The following SORCS1 variants were observed in gnomAD, a reference collection of about 807,000 sequenced individuals.
SORCS1 encodes the protein VPS10 domain-containing receptor SorCS1.
A neutral mutation model predicts 146.1 loss-of-function variants in SORCS1; 60 were observed. The ratio of observed to expected loss-of-function variants is 0.41; its 90% CI spans 0.33 to 0.51. The LOEUF (loss-of-function observed/expected upper bound fraction) is 0.51. SORCS1 is among the 20% of genes least tolerant of loss of function. SORCS1 has a pLI of 0.21. For missense variants in SORCS1, 1,352 were observed against 1,487.6 expected (o/e 0.91, Z 1.50); for synonymous variants, 637 against 584.0 (o/e 1.09, Z -1.31).
chr10:106,597,375 C>T lies in SORCS1; in HGVS notation c.3241G>A (p.Val1081Ile). 2 of 1,613,986 alleles carry T rather than the reference C, an allele frequency of 1.2e-6. No homozygotes were observed. Among genetic ancestry groups the T allele is most frequent in the African/African-American group, 1.3e-5 (1 of 75,030 alleles). ...FELKPGVRVLVHAAHLTAAPL... is the reference protein window; with the variant it reads ...FELKPGVRVLIHAAHLTAAPL... The stretch of plus-strand genomic sequence containing the variant: ...CCCGCTGTTAAGTGAGCAGCATGGA[C>T]AAGGACTCGGACTCCTGGCTTCAGC... The change falls in exon 24 of 26, where the codon GTC becomes ATC. Residue 1081 changes from valine (V) to isoleucine (I), a missense_variant. Around this residue, in one of 3 missense-constraint regions of SORCS1, gnomAD observed 214 missense variants for 204.8 expected, o/e 1.05. Transcript: ENST00000263054.
chr10:107,142,041 C>T (rs564770790), intron 1 of SORCS1, among the ~76,000 whole-genome samples: 4 of 152,286 alleles, frequency 2.6e-5, no homozygotes, highest in Admixed American at 2.6e-4. Context: ...GAGATTGGGG[C>T]ACCTTGAATT....
At chr10:107,147,856 G>A (rs1968461675) in intron 1 of SORCS1, among the ~76,000 whole-genome samples, 1 of 152,074 alleles carries the variant, frequency 6.6e-6, no homozygotes, top group African/African-American at 2.4e-5. Context: ...TTAGTGCTTG[G>A]AGGGAGACAT....
At chr10:106,651,865 G>A (rs1849888882) in intron 18 of SORCS1, among the ~76,000 whole-genome samples, 1 of 152,152 alleles carries the variant, frequency 6.6e-6, no homozygotes, top group African/African-American at 2.4e-5. Flanking sequence ...TGCTTTTAAT[G>A]ATATCCCTGA....
At chr10:107,071,388 T>G (rs1962412685) in intron 1 of SORCS1, among the ~76,000 whole-genome samples, 1 of 152,188 alleles carries the variant, frequency 6.6e-6, no homozygotes, top group Non-Finnish European at 1.5e-5. Flanking sequence ...CTTTGAAAAG[T>G]GTCTGTGTAC....
intron 1 of SORCS1, among the ~76,000 whole-genome samples, chr10:106,965,304 G>A (rs1041832670): frequency 7.9e-5 from 12 of 151,904 alleles, no homozygotes; most frequent in Admixed American, 4.6e-4. Flanking sequence ...AAGCCCTGCC[G>A]GCAAAACTCC....
intron 10 of SORCS1, among the ~76,000 whole-genome samples, chr10:106,685,212 G>A (rs961719023): frequency 6.6e-6 from 1 of 152,246 alleles, no homozygotes; most frequent in Admixed American, 6.5e-5. Flanking sequence ...AAATCCAAAC[G>A]CGAAACTGTC....
intron 2 of SORCS1, among the ~76,000 whole-genome samples, chr10:106,881,768 TACCCG>T (rs1233555466): frequency 1.3e-5 from 2 of 152,236 alleles, no homozygotes; most frequent in African/African-American, 4.8e-5. Flanking sequence ...ATAGATTTCT[TACCCG>T]ATATCCTATT....
intron 3 of SORCS1, among the ~76,000 whole-genome samples, chr10:106,802,710 G>A (rs2136665144): frequency 6.6e-6 from 1 of 152,236 alleles, no homozygotes; most frequent in East Asian, 1.9e-4. Flanking sequence ...TGTTGGCCAG[G>A]CTGGTTTCGA....
intron 10 of SORCS1, among the ~76,000 whole-genome samples, chr10:106,684,286 C>T (rs766671528): frequency 1.3e-5 from 2 of 152,102 alleles, no homozygotes; most frequent in African/African-American, 4.8e-5. Flanking sequence ...TGCAGTGAGC[C>T]GAGATCGCAC....
chr10:107,009,321 T>C (rs1957589256), intron 1 of SORCS1, among the ~76,000 whole-genome samples: 1 of 152,242 alleles, frequency 6.6e-6, no homozygotes, highest in South Asian at 2.1e-4. Context: ...TCAATTACAG[T>C]TGCTTAGACA....
At position 106,573,753 on chromosome 10, in the gene SORCS1, G is replaced by A. The variant is rs966909702; in HGVS notation, c.*3667C>T. 5 of 152,234 alleles carry A rather than the reference G, an allele frequency of 3.3e-5. No homozygotes were observed. Among genetic ancestry groups the A allele is most frequent in the Non-Finnish European group, 7.3e-5 (5 of 68,034 alleles). The allele number at this position is 152,234 out of a possible 1,614,324, so 9.4% of individuals were successfully genotyped here. A position where few individuals can be genotyped will look rare whatever the true frequency, so the allele number is the denominator to read the frequency against. On this transcript the variant is annotated 3_prime_UTR_variant, in exon 26 of 26. Coordinates refer to ENST00000263054, the MANE Select transcript of SORCS1 (RefSeq NM_052918.5). ...TCAGGTAGTACATACATTCTGCCTT[G>A]TTAGTAAAAAACAGCCAAAAACCTC...
At chr10:107,142,355 A>G (rs1023350106) in intron 1 of SORCS1, among the ~76,000 whole-genome samples, 1 of 152,166 alleles carries the variant, frequency 6.6e-6, no homozygotes, top group Admixed American at 6.5e-5. Context: ...AGCAGCTAAA[A>G]CCACAAGTGT....
intron 1 of SORCS1, among the ~76,000 whole-genome samples, chr10:107,096,153 G>C (rs1964532505): frequency 6.6e-6 from 1 of 152,162 alleles, no homozygotes; most frequent in Admixed American, 6.5e-5. Flanking sequence ...AGTGTTTGCA[G>C]TCACCTTAAA....
At chr10:106,913,955 G>A (rs1164425186) in intron 2 of SORCS1, among the ~76,000 whole-genome samples, 2 of 152,074 alleles carry the variant, frequency 1.3e-5, no homozygotes, top group African/African-American at 4.8e-5. Context: ...TGTGCTTGTA[G>A]GTCCTCCCCA....
chr10:106,906,143 G>A (rs1427467578), intron 2 of SORCS1, among the ~76,000 whole-genome samples: 5 of 152,282 alleles, frequency 3.3e-5, no homozygotes, highest in African/African-American at 1.2e-4. Context: ...TTTGTTTTGA[G>A]ACACTCTGTT....
chr10:107,074,056 A>G (rs1055644376), intron 1 of SORCS1, among the ~76,000 whole-genome samples: 1 of 152,186 alleles, frequency 6.6e-6, no homozygotes, highest in Non-Finnish European at 1.5e-5. Context: ...CATCACCCAG[A>G]GTACAAAGTT....
intron 3 of SORCS1, among the ~76,000 whole-genome samples, chr10:106,808,211 T>C (rs1202309074): frequency 6.6e-6 from 1 of 151,858 alleles, no homozygotes; most frequent in African/African-American, 2.4e-5. Flanking sequence ...AGAGACAGGG[T>C]TTTTCCATGT....
At chr10:106,582,653 G>T (rs934480184) in intron 24 of SORCS1, among the ~76,000 whole-genome samples, 3 of 152,162 alleles carry the variant, frequency 2.0e-5, no homozygotes, top group Admixed American at 2.0e-4. Context: ...TCCAGTTGCA[G>T]CTTAAACAAG....
chr10:107,117,651 CCTTCT>C (rs528970759), intron 1 of SORCS1, among the ~76,000 whole-genome samples: 13 of 152,288 alleles, frequency 8.5e-5, no homozygotes, highest in African/African-American at 3.1e-4. Flanking sequence ...TAATTCCTTC[CCTTCT>C]CAAGATCTCA....
Sources: allele counts gnomAD v4.1 joint callset (sites outside exome capture counted in the v4.1 genomes callset), GRCh38; gene constraint gnomAD v4.1.1; regional missense constraint gnomAD v4.1.1; transcripts MANE v1.5; gene names NCBI Gene and HGNC (gene_info 2026-07-23, HGNC 2026-07-21).